The following FRMD3 variants were observed in gnomAD, a reference collection of about 807,000 sequenced individuals.
FRMD3 encodes the protein FERM domain containing 3.
FRMD3 carries 33 observed loss-of-function variants against 70.2 expected under a neutral mutation model. That is an observed-to-expected ratio of 0.47 (90% CI 0.36 to 0.63). The LOEUF (loss-of-function observed/expected upper bound fraction) is 0.63, where lower values mean the gene tolerates loss of function less well. Ranked by LOEUF, FRMD3 falls within the 20% of genes least tolerant of loss-of-function variation. The pLI, the probability that FRMD3 is intolerant of heterozygous loss-of-function variation, is 0.00. For synonymous variants in FRMD3, 279 were observed against 255.9 expected, an observed-to-expected ratio of 1.09 and a Z score of -0.86; for missense variants, 632 against 711.4, an observed-to-expected ratio of 0.89 and a Z score of 1.27.
In FRMD3 at chr9:83,245,857, C is replaced by T. The variant is rs755482612; in HGVS notation, c.*2061G>A. On this transcript the variant is annotated 3_prime_UTR_variant, in exon 14 of 14. Transcript: ENST00000304195. ...AAAAACACAAATTTCAATTTCAAACCTAGCCATCTGCAAGCTTCCAAAATA... is the reference window on the plus strand; with the variant it reads ...AAAAACACAAATTTCAATTTCAAACTTAGCCATCTGCAAGCTTCCAAAATA... 81 of 985,048 alleles carry T rather than the reference C, an allele frequency of 8.2e-5. No homozygotes were observed. Among genetic ancestry groups the T allele is most frequent in the Non-Finnish European group, 9.6e-5 (80 of 829,746 alleles). 61.0% of individuals were successfully genotyped at this position (985,048 alleles called of 1,614,324 possible). A position where few individuals can be genotyped will look rare whatever the true frequency, so the allele number is the denominator to read the frequency against.
intron 1 of FRMD3, among the ~76,000 whole-genome samples, chr9:83,532,040 T>C (rs1472894889): frequency 6.6e-6 from 1 of 152,236 alleles, no homozygotes; most frequent in Admixed American, 6.5e-5. Flanking sequence ...AACATTAAGA[T>C]AACAGTCACT....
chr9:83,552,047 T>C, the FRMD3 span, among the ~76,000 whole-genome samples: 1 of 152,206 alleles, frequency 6.6e-6, no homozygotes. Context: ...TCTTCAATTC[T>C]TTCAGTTGTG....
At chr9:83,493,183 G>A (rs1453949679) in intron 1 of FRMD3, among the ~76,000 whole-genome samples, 1 of 152,164 alleles carries the variant, frequency 6.6e-6, no homozygotes, top group Non-Finnish European at 1.5e-5. Flanking sequence ...GGAGTTGGAA[G>A]GGAGGAGGGA....
At chr9:83,347,961 C>A (rs1479909998) in intron 4 of FRMD3, among the ~76,000 whole-genome samples, 1 of 152,122 alleles carries the variant, frequency 6.6e-6, no homozygotes, top group Non-Finnish European at 1.5e-5. Flanking sequence ...GCTATTTAGT[C>A]AAACGTAGGA....
At chr9:83,458,526 A>G (rs1827884300) in intron 1 of FRMD3, among the ~76,000 whole-genome samples, 1 of 152,214 alleles carries the variant, frequency 6.6e-6, no homozygotes, top group Non-Finnish European at 1.5e-5. Context: ...GGTACTGGGT[A>G]TTGCATGTCT....
rs559570925 is a variant in FRMD3, at chr9:83,402,898, C to CTTTTTT, written c.148-13196_148-13191dup. Among the ~76,000 whole-genome samples the CTTTTTT allele has an allele frequency of 3.9e-3, 339 of 87,264 alleles. 1 individual carries two copies. The highest frequency in any genetic ancestry group is 6.6e-3 in the African/African-American group (149 of 22,498). The allele number at this position is 87,264 out of a possible 152,430, so 57.2% of individuals were successfully genotyped here. Reference sequence around the variant, plus strand: ...GACTCTCAATTTTCCTTCTTTCTTTCTTTTTTTTTTTTTTTTTTTTTTTGA... The same window carrying CTTTTTT: ...GACTCTCAATTTTCCTTCTTTCTTTCTTTTTTTTTTTTTTTTTTTTTTTTTTTTTGA... On this transcript the variant is annotated intron_variant, in intron 1 of 13. Transcript: ENST00000304195.
At chr9:83,573,630 C>T in the FRMD3 span, among the ~76,000 whole-genome samples, 8 of 152,114 alleles carry the variant, frequency 5.3e-5, no homozygotes. Context: ...GCCTTCATTC[C>T]TCTCTCTTGC....
At chr9:83,437,959 C>A (rs985969151) in intron 1 of FRMD3, among the ~76,000 whole-genome samples, 9 of 152,082 alleles carry the variant, frequency 5.9e-5, no homozygotes, top group African/African-American at 2.2e-4. Context: ...GAGAAGGGGG[C>A]ATGTGAGGGC....
chr9:83,412,920 G>A (rs142657951), intron 1 of FRMD3, among the ~76,000 whole-genome samples: 2,189 of 152,126 alleles, frequency 0.014, 39 homozygotes, highest in African/African-American at 0.048. Flanking sequence ...GCTCGAACCC[G>A]GGAGATGGAG....
intron 12 of FRMD3, among the ~76,000 whole-genome samples, chr9:83,292,933 C>A (rs1219740098): frequency 2.0e-5 from 3 of 152,262 alleles, no homozygotes; most frequent in Non-Finnish European, 4.4e-5. Flanking sequence ...GCGTGAGCCA[C>A]CACGCCCAGC....
chr9:83,365,278 T>C (rs1824751511), intron 3 of FRMD3, among the ~76,000 whole-genome samples: 1 of 152,230 alleles, frequency 6.6e-6, no homozygotes, highest in Non-Finnish European at 1.5e-5. Flanking sequence ...AACCAAAATA[T>C]GAGATGTCTT....
intron 3 of FRMD3, among the ~76,000 whole-genome samples, chr9:83,367,259 T>G (rs900708413): frequency 3.3e-5 from 5 of 152,082 alleles, no homozygotes; most frequent in Non-Finnish European, 7.4e-5. Flanking sequence ...CATAGGGAAA[T>G]GAGAAGGGTA....
intron 3 of FRMD3, among the ~76,000 whole-genome samples, chr9:83,365,806 G>A (rs1164589723): frequency 3.9e-5 from 6 of 152,192 alleles, no homozygotes; most frequent in Admixed American, 1.3e-4. Context: ...CTTAGATAGC[G>A]TACACAAGTT....
At chr9:83,351,608 G>T (rs1396077805) in intron 3 of FRMD3, among the ~76,000 whole-genome samples, 1 of 151,832 alleles carries the variant, frequency 6.6e-6, no homozygotes, top group Non-Finnish European at 1.5e-5. Context: ...ACATTTCCCA[G>T]CTTTCTTTTA....
At chr9:83,414,428 G>A (rs1826371702) in intron 1 of FRMD3, among the ~76,000 whole-genome samples, 1 of 151,874 alleles carries the variant, frequency 6.6e-6, no homozygotes, top group Admixed American at 6.6e-5. Flanking sequence ...GAGTAGACAG[G>A]GATTCCTTAA....
chr9:83,516,008 C>G (rs1442452288), intron 1 of FRMD3, among the ~76,000 whole-genome samples: 1 of 152,138 alleles, frequency 6.6e-6, no homozygotes, highest in Non-Finnish European at 1.5e-5. Flanking sequence ...CCAGCCACTA[C>G]AAAAACAAAC....
intron 1 of FRMD3, chr9:83,467,692 G>T: frequency 2.0e-6 from 3 of 1,535,032 alleles, no homozygotes. Flanking sequence ...TGATCTGCTA[G>T]TGCCTTAAAA....
chr9:83,412,651 G>A (rs956923300), intron 1 of FRMD3, among the ~76,000 whole-genome samples: 2 of 152,236 alleles, frequency 1.3e-5, no homozygotes, highest in African/African-American at 2.4e-5. Context: ...AGTAGCCTTT[G>A]TGAGCAGCTG....
intron 3 of FRMD3, among the ~76,000 whole-genome samples, chr9:83,357,244 TA>T (rs1824402856): frequency 7.7e-4 from 2 of 2,588 alleles, no homozygotes; most frequent in Non-Finnish European, 1.6e-3. Context: ...ATATAATACA[TA>T]CATATATATA....
Sources: gnomAD v4.1 joint callset for allele counts (sites outside exome capture counted in the v4.1 genomes callset) on GRCh38, gnomAD v4.1.1 for gene constraint, MANE v1.5 for transcripts, NCBI Gene and HGNC (gene_info 2026-07-23, HGNC 2026-07-21) for gene names.